HPSE2: variants seen among roughly 807,000 people sequenced by gnomAD.
The protein encoded by HPSE2 is heparanase 2 (inactive).
HPSE2 carries 38 observed loss-of-function variants against 60.5 expected under a neutral mutation model. The observed-to-expected ratio is 0.63, with a 90% CI of 0.48 to 0.82. HPSE2 has a LOEUF of 0.82. HPSE2 is among the 40% of genes least tolerant of loss of function. The pLI is 0.00. For synonymous variants in HPSE2, 295 were observed against 293.2 expected (o/e 1.01, Z -0.06); for missense variants, 713 against 740.4 (o/e 0.96, Z 0.43).
intron 9 of HPSE2, among the ~76,000 whole-genome samples, chr10:98,518,693 T>G (rs1198962737): frequency 7.3e-6 from 1 of 137,304 alleles, no homozygotes; most frequent in African/African-American, 2.6e-5. Flanking sequence ...GGCCACAGAG[T>G]GAGACTCCAT....
intron 3 of HPSE2, among the ~76,000 whole-genome samples, chr10:98,848,247 G>A (rs1165537566): frequency 2.0e-5 from 3 of 152,010 alleles, no homozygotes; most frequent in African/African-American, 4.8e-5. Flanking sequence ...GCGAAAGCCC[G>A]TCTCTACTAA....
chr10:98,881,124 T>C (rs1011107039), intron 3 of HPSE2, among the ~76,000 whole-genome samples: 1 of 152,062 alleles, frequency 6.6e-6, no homozygotes, highest in African/African-American at 2.4e-5. Flanking sequence ...CTCCTTTCTC[T>C]ATAGTCTCTG....
chr10:98,499,623 C>T (rs1332598269), intron 9 of HPSE2, among the ~76,000 whole-genome samples: 2 of 152,034 alleles, frequency 1.3e-5, no homozygotes, highest in African/African-American at 2.4e-5. Flanking sequence ...ACCAAAAAAA[C>T]CAAGGTACAC....
chr10:98,997,000 C>A (rs962222069), intron 3 of HPSE2, among the ~76,000 whole-genome samples: 3 of 152,026 alleles, frequency 2.0e-5, no homozygotes, highest in African/African-American at 7.2e-5. Flanking sequence ...CTTTACACTT[C>A]ACTGTGTGTA....
intron 5 of HPSE2, among the ~76,000 whole-genome samples, chr10:98,708,148 T>C (rs1359283684): frequency 2.0e-5 from 3 of 152,124 alleles, no homozygotes; most frequent in African/African-American, 7.2e-5. Flanking sequence ...AAATGTAGTT[T>C]AGTTTCATTA....
At chr10:98,903,726 T>G (rs1225227626) in intron 3 of HPSE2, among the ~76,000 whole-genome samples, 2 of 152,166 alleles carry the variant, frequency 1.3e-5, no homozygotes, top group Non-Finnish European at 2.9e-5. Flanking sequence ...GTGGTTACAT[T>G]GTGTCAGAAA....
chr10:99,258,851 CAAAT>C, the HPSE2 span, among the ~76,000 whole-genome samples: 1 of 152,142 alleles, frequency 6.6e-6, no homozygotes, highest in Non-Finnish European at 1.5e-5. Flanking sequence ...ACCATACATA[CAAAT>C]AATTAACTCA....
chr10:98,660,838 A>G (rs1053348263), intron 6 of HPSE2, among the ~76,000 whole-genome samples: 8 of 152,196 alleles, frequency 5.3e-5, no homozygotes, highest in African/African-American at 1.9e-4. Flanking sequence ...TCTTTCATCT[A>G]TATGGAACCC....
chr10:98,996,937 T>C (rs1487824964), intron 3 of HPSE2, among the ~76,000 whole-genome samples: 3 of 152,160 alleles, frequency 2.0e-5, no homozygotes, highest in East Asian at 1.9e-4. Flanking sequence ...TGGGTGCTGA[T>C]AGTGTTGGGG....
At chr10:98,716,386 T>C (rs757007460) in intron 5 of HPSE2, among the ~76,000 whole-genome samples, 3 of 151,702 alleles carry the variant, frequency 2.0e-5, no homozygotes, top group Admixed American at 1.3e-4. Flanking sequence ...TGTATACGTA[T>C]GTAACTAACC....
At chr10:99,034,038 A>G (rs1957556674) in intron 3 of HPSE2, among the ~76,000 whole-genome samples, 2 of 152,234 alleles carry the variant, frequency 1.3e-5, no homozygotes, top group Admixed American at 1.3e-4. Flanking sequence ...GCATATGTTT[A>G]GCAACTTTAT....
intron 3 of HPSE2, among the ~76,000 whole-genome samples, chr10:99,139,430 T>C (rs958891410): frequency 1.3e-5 from 2 of 152,114 alleles, no homozygotes; most frequent in African/African-American, 4.8e-5. Flanking sequence ...CCTAAAGCTG[T>C]TGACATTTTA....
intron 9 of HPSE2, among the ~76,000 whole-genome samples, chr10:98,580,520 T>G (rs145544564): frequency 1.1e-3 from 170 of 152,238 alleles, no homozygotes; most frequent in Non-Finnish European, 1.9e-3. Context: ...TTATTTTTGC[T>G]TGGGAATTAT....
chr10:98,973,593 G>C (rs1956012606), intron 3 of HPSE2, among the ~76,000 whole-genome samples: 2 of 152,138 alleles, frequency 1.3e-5, no homozygotes, highest in African/African-American at 4.8e-5. Flanking sequence ...ACTTTAAAAA[G>C]CATCTGGCAC....
intron 3 of HPSE2, among the ~76,000 whole-genome samples, chr10:98,844,725 T>A (rs1269355407): frequency 3.3e-5 from 5 of 152,226 alleles, no homozygotes; most frequent in African/African-American, 4.8e-5. Context: ...ATAAACTATG[T>A]TCTAGGCATT....
the HPSE2 span, among the ~76,000 whole-genome samples, chr10:99,250,142 C>T: frequency 5.8e-3 from 799 of 137,338 alleles, 27 homozygotes; most frequent in East Asian, 0.023. Flanking sequence ...AACTCCATCT[C>T]AAAAAAAAAA....
intron 9 of HPSE2, among the ~76,000 whole-genome samples, chr10:98,529,232 T>C (rs1032271328): frequency 6.6e-6 from 1 of 152,248 alleles, no homozygotes; most frequent in Non-Finnish European, 1.5e-5. Context: ...TTAATAATTC[T>C]ATTATCCAGT....
intron 4 of HPSE2, among the ~76,000 whole-genome samples, chr10:98,727,126 C>T (rs1949105716): frequency 1.3e-5 from 2 of 152,042 alleles, no homozygotes; most frequent in South Asian, 4.2e-4. Flanking sequence ...AGCTACACGA[C>T]TCAAGGGAGA....
At chr10:98,625,730 A>G (rs1389993205) in intron 7 of HPSE2, among the ~76,000 whole-genome samples, 1 of 152,230 alleles carries the variant, frequency 6.6e-6, no homozygotes, top group Non-Finnish European at 1.5e-5. Context: ...TCACAAAAAC[A>G]TCACCGAATT....
Sources: gnomAD v4.1 joint callset for allele counts (sites outside exome capture counted in the v4.1 genomes callset) on GRCh38, gnomAD v4.1.1 for gene constraint, MANE v1.5 for transcripts, NCBI Gene and HGNC (gene_info 2026-07-23, HGNC 2026-07-21) for gene names.